DAPK2: variants seen among roughly 807,000 people sequenced by gnomAD.
DAPK2 encodes the protein death associated protein kinase 2, also known as death-associated protein kinase 2.
In DAPK2, 35 loss-of-function variants were observed where a neutral mutation model predicts 44.1. The ratio of observed to expected loss-of-function variants is 0.79; its 90% CI spans 0.61 to 1.05. The LOEUF (loss-of-function observed/expected upper bound fraction) is 1.05. Among genes scored for constraint, DAPK2 ranks in the 50% least tolerant of loss-of-function variants. The pLI is 0.00. For missense variants in DAPK2, 453 were observed against 483.2 expected, an observed-to-expected ratio of 0.94 and a Z score of 0.59; for synonymous variants, 174 against 182.6, an observed-to-expected ratio of 0.95 and a Z score of 0.38.
intron 1 of DAPK2, among the ~76,000 whole-genome samples, chr15:64,032,323 A>T (rs1218664976): frequency 6.6e-6 from 1 of 152,214 alleles, no homozygotes; most frequent in East Asian, 1.9e-4. Flanking sequence ...GACCTTGAAG[A>T]AAAAGCATAA....
Position 63,923,095 on chromosome 15 carries a change from C to T in DAPK2, c.858+1721G>A. 6.5e-7 allele frequency: 1 copy of T among 1,535,802 alleles called. No individual in the cohort carries two copies. The highest frequency in any genetic ancestry group is 2.4e-5 in the East Asian group (1 of 40,926). On this transcript the variant is annotated intron_variant, in intron 8 of 10. Transcript: ENST00000261891. The surrounding 1 kb of genome is among the most constrained non-coding windows in gnomAD (Gnocchi z 4.2). ...TCTCCTCTCGGTACCAAGCTTCCTTCTCATTGAAGATGGAGACCAGGGCCT... is the reference window on the plus strand; with the variant it reads ...TCTCCTCTCGGTACCAAGCTTCCTTTTCATTGAAGATGGAGACCAGGGCCT...
intron 3 of DAPK2, among the ~76,000 whole-genome samples, chr15:63,946,299 G>A (rs529463744): frequency 5.2e-5 from 8 of 152,382 alleles, no homozygotes; most frequent in African/African-American, 1.9e-4. Flanking sequence ...CCAGCACAGC[G>A]TGTCCTGAAG....
At chr15:63,909,830 A>G (rs1196553163) in intron 10 of DAPK2, 2 of 151,900 alleles carry the variant, frequency 1.3e-5, no homozygotes, top group Non-Finnish European at 2.9e-5. Flanking sequence ...CATTCTTCTC[A>G]ATTACTCTGG....
In DAPK2 at chr15:63,944,223, C is replaced by G. The variant is rs541737544; in HGVS notation, c.454-4862G>C. 3.3e-5 allele frequency among the ~76,000 whole-genome samples: 5 copies of G among 152,250 alleles called. No individual in the cohort carries two copies. In the South Asian group the frequency reaches 1.0e-3, roughly 32 times the overall value. Reference sequence around the variant, plus strand: ...GGGCAGTAGGAATGCTCTGTTGGGTCGTCAGGACCCAGGTTCTCGTCCCTA... The same window carrying G: ...GGGCAGTAGGAATGCTCTGTTGGGTGGTCAGGACCCAGGTTCTCGTCCCTA... On this transcript the variant is annotated intron_variant, in intron 3 of 10. Transcript: ENST00000261891.
At chr15:63,941,629 T>C (rs1163646677) in intron 3 of DAPK2, among the ~76,000 whole-genome samples, 2 of 146,146 alleles carry the variant, frequency 1.4e-5, no homozygotes, top group Non-Finnish European at 2.9e-5. Flanking sequence ...CTTTTTTTCC[T>C]TTTTTTAAAA....
chr15:64,024,379 G>A lies in DAPK2; in HGVS notation c.92+15791C>T, dbSNP rs150896682. ...AGCATGCCCTGGGGAGGCTCAGAAA[G>A]CCTGGGTTGGGGAACAGGACTTCCT... is the stretch of plus-strand genomic sequence containing the variant. On this transcript the variant is annotated intron_variant, in intron 1 of 10. Coordinates refer to ENST00000261891, the Ensembl canonical transcript of DAPK2. 6.9e-3 allele frequency among the ~76,000 whole-genome samples: 1,053 copies of A among 152,308 alleles called. 5 individuals are homozygous for A. The highest frequency in any genetic ancestry group is 0.012 in the Non-Finnish European group (835 of 68,010).
intron 1 of DAPK2, among the ~76,000 whole-genome samples, chr15:64,004,538 G>A (rs1220754377): frequency 6.6e-6 from 1 of 152,202 alleles, no homozygotes; most frequent in Non-Finnish European, 1.5e-5. Flanking sequence ...CAAGTGTTCT[G>A]AGGACTTTGA....
chr15:63,992,010 AT>A lies in DAPK2; in HGVS notation c.93-8257del, dbSNP rs368355596. Among the ~76,000 whole-genome samples the A allele has an allele frequency of 9.2e-5, 14 of 152,304 alleles. No homozygotes were observed. The East Asian group carries it at 1.2e-3, about 13-fold the overall frequency. On this transcript the variant is annotated intron_variant, in intron 1 of 10. Transcript: ENST00000261891. ...ACAGACTAACTTCCTTCCTCTAGAC[AT>A]TTTTTTGTTGTTGTTGCGGGGTACA...
chr15:63,974,669 C>T (rs1235180780), intron 2 of DAPK2, among the ~76,000 whole-genome samples: 2 of 152,144 alleles, frequency 1.3e-5, no homozygotes, highest in East Asian at 1.9e-4. Context: ...TTAAAAGGTG[C>T]TAGACTCTCA....
intron 1 of DAPK2, among the ~76,000 whole-genome samples, chr15:64,024,781 G>A (rs1310528187): frequency 6.6e-6 from 1 of 152,176 alleles, no homozygotes; most frequent in East Asian, 1.9e-4. Flanking sequence ...CCACAGCCCT[G>A]AGCAGTCAAG....
At chr15:64,032,767 A>G (rs1193130938) in intron 1 of DAPK2, among the ~76,000 whole-genome samples, 1 of 152,022 alleles carries the variant, frequency 6.6e-6, no homozygotes, top group Non-Finnish European at 1.5e-5. Flanking sequence ...CCTGGGTAAC[A>G]TGGCGAAACC....
In DAPK2 at chr15:63,908,424, G is replaced by T. The variant is rs920338329; in HGVS notation, c.*96C>A. 4.3e-6 allele frequency: 3 copies of T among 697,602 alleles called. No individual in the cohort carries two copies. Among genetic ancestry groups the T allele is most frequent in the Non-Finnish European group, 6.7e-6 (3 of 447,474 alleles). 43.2% of individuals were successfully genotyped at this position (697,602 alleles called of 1,614,324 possible). On this transcript the variant is annotated 3_prime_UTR_variant, in exon 11 of 11. Coordinates refer to ENST00000261891, the Ensembl canonical transcript of DAPK2. The surrounding 1 kb of genome is among the most constrained non-coding windows in gnomAD (Gnocchi z 5.7). ...ATCTCTCTTGCAAAGTGCTCAGGAC[G>T]CCCGGGTGCTGGTGCTGAGCTGGGT...
At chr15:63,976,225 G>C (rs2078342541) in intron 2 of DAPK2, among the ~76,000 whole-genome samples, 1 of 152,224 alleles carries the variant, frequency 6.6e-6, no homozygotes, top group Non-Finnish European at 1.5e-5. Context: ...CTGTCCAATA[G>C]AGTAGCCACT....
Position 63,914,253 on chromosome 15 carries a change from G to A in DAPK2, c.859-2056C>T, listed in dbSNP as rs117437864. On this transcript the variant is annotated intron_variant, in intron 8 of 10. Coordinates refer to ENST00000261891, the Ensembl canonical transcript of DAPK2. ...GGGGGTGGGGTGACCCAAAGCTGGA[G>A]GGGGAGTGCATGCAACCTGGAAGTG... is the stretch of plus-strand genomic sequence containing the variant. 7.9e-3 allele frequency among the ~76,000 whole-genome samples: 1,209 copies of A among 152,288 alleles called. 7 individuals are homozygous for A. Among genetic ancestry groups the A allele is most frequent in the South Asian group, 0.014 (68 of 4,826 alleles).
chr15:63,961,139 A>G (rs950787423), intron 3 of DAPK2, among the ~76,000 whole-genome samples: 10 of 152,144 alleles, frequency 6.6e-5, no homozygotes, highest in Non-Finnish European at 1.3e-4. Flanking sequence ...GTTGGTTTAA[A>G]GTTGTTTTAT....
At chr15:63,989,188 CAAAAAAAAAAAA>C in intron 1 of DAPK2, among the ~76,000 whole-genome samples, 1 of 109,826 alleles carries the variant, frequency 9.1e-6, no homozygotes, top group South Asian at 3.2e-4. Flanking sequence ...ACTTTGTCTC[CAAAAAAAAAAAA>C]AAAAAAAAAA....
At chr15:63,928,796 G>A (rs11071775) in intron 6 of DAPK2, among the ~76,000 whole-genome samples, 69,488 of 151,632 alleles carry the variant, frequency 0.46, 17,580 homozygotes, top group East Asian at 0.94. Flanking sequence ...AGAGGAAGGA[G>A]AAAGGAGGAG....
At chr15:64,009,730 G>C (rs2079334888) in intron 1 of DAPK2, among the ~76,000 whole-genome samples, 1 of 152,026 alleles carries the variant, frequency 6.6e-6, no homozygotes, top group Non-Finnish European at 1.5e-5. Flanking sequence ...GTCTCTTTAT[G>C]CTCATTTCTT....
intron 8 of DAPK2, 85 bp downstream of exon 9, chr15:63,924,731 G>C: frequency 6.8e-7 from 1 of 1,463,634 alleles, no homozygotes; most frequent in East Asian, 2.3e-5. Context: ...CCTCTCCATG[G>C]GCCCTCTGCA....
Sources: allele counts gnomAD v4.1 joint callset (sites outside exome capture counted in the v4.1 genomes callset), GRCh38; gene constraint gnomAD v4.1.1; non-coding constraint Gnocchi (gnomAD v3.1); transcripts MANE v1.5; gene names NCBI Gene and HGNC (gene_info 2026-07-23, HGNC 2026-07-21).